The following PRKDC variants were observed in gnomAD, a reference collection of about 807,000 sequenced individuals.
PRKDC encodes protein kinase, DNA-activated, catalytic subunit, also known as DNA-dependent protein kinase catalytic subunit.
A neutral mutation model predicts 486.9 loss-of-function variants in PRKDC; 82 were observed. The observed-to-expected ratio is 0.17, with a 90% CI of 0.14 to 0.20. The LOEUF is 0.20. PRKDC is among the 10% of genes least tolerant of loss of function. The probability of loss-of-function intolerance (pLI) is 1.00; values close to 1 mark genes in which losing one functional copy is unlikely to be tolerated. For synonymous variants in PRKDC, 1,895 were observed against 1,837.0 expected (o/e 1.03, Z -0.81); for missense variants, 4,504 against 5,038.2 (o/e 0.89, Z 3.21).
At chr8:47,842,326 C>T (rs1281940810) in intron 54 of PRKDC, among the ~76,000 whole-genome samples, 1 of 152,272 alleles carries the variant, frequency 6.6e-6, no homozygotes, top group East Asian at 1.9e-4. Context: ...TATCTGCTAG[C>T]CCTTATCCTT....
chr8:47,880,909 T>G (rs2089199559), intron 38 of PRKDC, among the ~76,000 whole-genome samples: 1 of 151,666 alleles, frequency 6.6e-6, no homozygotes, highest in Admixed American at 6.6e-5. Context: ...TAGCCAGGCC[T>G]GGTGGCGCAC....
chr8:47,860,382 T>C (rs1336144823), intron 45 of PRKDC, among the ~76,000 whole-genome samples: 1 of 152,150 alleles, frequency 6.6e-6, no homozygotes, highest in Non-Finnish European at 1.5e-5. Context: ...AAAGCAGGCC[T>C]GGCGCCTACA....
intron 39 of PRKDC, among the ~76,000 whole-genome samples, chr8:47,878,436 C>T (rs1164761061): frequency 6.6e-6 from 1 of 152,130 alleles, no homozygotes; most frequent in Non-Finnish European, 1.5e-5. Flanking sequence ...AGATGCTACT[C>T]TTCTCTGCAT....
Position 47,877,717 on chromosome 8 carries a change from G to A in PRKDC, c.5363+7C>T. 1 of 1,577,272 alleles carries A rather than the reference G, an allele frequency of 6.3e-7. No homozygotes were observed. Among genetic ancestry groups the A allele is most frequent in the Non-Finnish European group, 8.6e-7 (1 of 1,160,722 alleles). Reference sequence around the variant, plus strand: ...GGTTCCTGAGATCCCAGGCCAGAATGACTTACCTTCTGGCAATCCTCCTGA... The same window carrying A: ...GGTTCCTGAGATCCCAGGCCAGAATAACTTACCTTCTGGCAATCCTCCTGA... On this transcript the variant is annotated splice_region_variant and intron_variant, in intron 40 of 85. Coordinates refer to ENST00000314191, the MANE Select transcript of PRKDC (RefSeq NM_006904.7).
intron 54 of PRKDC, among the ~76,000 whole-genome samples, chr8:47,845,562 G>A (rs755501846): frequency 4.0e-5 from 6 of 151,208 alleles, no homozygotes; most frequent in Non-Finnish European, 8.8e-5. Flanking sequence ...TACATTCCTG[G>A]AAACATACAA....
chr8:47,774,409 GCATGTGT>G (rs1390813013), intron 85 of PRKDC, 32 bp from the exon 86 acceptor site: 1 of 1,593,414 alleles, frequency 6.3e-7, no homozygotes, highest in African/African-American at 1.3e-5. Flanking sequence ...AAAACACAAA[GCATGTGT>G]CATTGTCCTT....
intron 18 of PRKDC, 97 bp from the exon 19 acceptor site, chr8:47,929,275 A>T (rs1166737340): frequency 1.6e-5 from 13 of 818,706 alleles, no homozygotes; most frequent in Middle Eastern, 2.2e-4. Context: ...GGGTGAATCC[A>T]TTTCAAGTTA....
intron 22 of PRKDC, among the ~76,000 whole-genome samples, chr8:47,916,216 G>T (rs138048193): frequency 4.3e-4 from 66 of 152,272 alleles, no homozygotes; most frequent in Middle Eastern, 3.4e-3. Context: ...GGGAGGCCAA[G>T]GTGGGCAGAT....
Position 47,879,624 on chromosome 8 carries a change from C to A in PRKDC, c.5102G>T (p.Ser1701Ile). 1.3e-6 allele frequency: 2 copies of A among 1,588,240 alleles called. No homozygotes were observed. Among genetic ancestry groups the A allele is most frequent in the Non-Finnish European group, 1.7e-6 (2 of 1,168,998 alleles). The change falls in exon 39 of 86, where the codon AGC (serine) becomes ATC (isoleucine). Residue 1701 changes from serine to isoleucine, a missense_variant. Around this residue, in one of 6 missense-constraint regions of PRKDC, gnomAD observed 1,969 missense variants for 2,068.9 expected, o/e 0.95. Transcript: ENST00000314191. ...TTCCTCCAGACTGCCTCCAGTGAGG[C>A]TGGTGAAGAATGGAAGAAGAGTGAC... is the stretch of plus-strand genomic sequence containing the variant. ...QAVTLLPFFT[S>I]LTGGSLEELR...
chr8:47,836,708 T>A (rs1418333657), intron 57 of PRKDC, among the ~76,000 whole-genome samples, 181 bp from the exon 58 acceptor site: 1 of 152,232 alleles, frequency 6.6e-6, no homozygotes, highest in Non-Finnish European at 1.5e-5. Context: ...ATTTGCCAAC[T>A]AGAAAAACTA....
chr8:47,834,771 A>C (rs970162924), intron 58 of PRKDC, among the ~76,000 whole-genome samples: 2 of 148,550 alleles, frequency 1.3e-5, no homozygotes, highest in Non-Finnish European at 3.0e-5. Flanking sequence ...GCTCACTGCA[A>C]GCTCCGCCTC....
intron 21 of PRKDC, among the ~76,000 whole-genome samples, chr8:47,922,123 C>T (rs1175477524): frequency 1.3e-5 from 2 of 150,840 alleles, no homozygotes; most frequent in East Asian, 3.9e-4. Flanking sequence ...AGCCACAGCA[C>T]CCAGCCTGAT....
At chr8:47,798,766 A>T (rs532362477) in intron 72 of PRKDC, among the ~76,000 whole-genome samples, 9 of 151,914 alleles carry the variant, frequency 5.9e-5, no homozygotes, top group African/African-American at 2.2e-4. Flanking sequence ...GGACCACTTG[A>T]CTCCATTTAA....
chr8:47,925,751 C>A (rs2090146501), intron 21 of PRKDC, among the ~76,000 whole-genome samples: 1 of 152,144 alleles, frequency 6.6e-6, no homozygotes, highest in Non-Finnish European at 1.5e-5. Flanking sequence ...AAAAAAATGT[C>A]CCATGTAAAT....
intron 74 of PRKDC, 36 bp from the exon 75 acceptor site, chr8:47,789,274 A>T (rs991361048): frequency 8.0e-7 from 1 of 1,252,492 alleles, no homozygotes; most frequent in African/African-American, 1.5e-5. Flanking sequence ...AGGCAATCAA[A>T]TATCTTCCAA....
At chr8:47,797,559 T>C (rs531011320) in intron 73 of PRKDC, among the ~76,000 whole-genome samples, 1 of 152,352 alleles carries the variant, frequency 6.6e-6, no homozygotes, top group Non-Finnish European at 1.5e-5. Context: ...CTATTACATT[T>C]TCAACTCAAA....
At chr8:47,890,850 A>G (rs2089441585) in intron 31 of PRKDC, among the ~76,000 whole-genome samples, 1 of 152,214 alleles carries the variant, frequency 6.6e-6, no homozygotes, top group African/African-American at 2.4e-5. Flanking sequence ...AACCTAATGA[A>G]ATGACTGCAG....
Position 47,935,744 on chromosome 8 carries a change from T to C in PRKDC, c.1435A>G (p.Ile479Val), listed in dbSNP as rs369403833. 10 of 1,613,738 alleles carry C rather than the reference T, an allele frequency of 6.2e-6. No individual in the cohort carries two copies. In the East Asian group the frequency reaches 6.7e-5, roughly 11 times the overall value. The change falls in exon 13 of 86, where the codon ATT becomes GTT. Residue 479 changes from isoleucine (I) to valine (V), a missense_variant. Transcript: ENST00000314191. The stretch of plus-strand genomic sequence containing the variant: ...ATTGCAAACTTACCCACAGTACTAA[T>C]GCAATTCCTGAGAACTGGCCCTTTT... ...AAKGPVLRNC[I>V]STVVHQGLIR...
At chr8:47,791,985 C>T (rs1589698368) in intron 74 of PRKDC, among the ~76,000 whole-genome samples, 1 of 152,078 alleles carries the variant, frequency 6.6e-6, no homozygotes, top group South Asian at 2.1e-4. Flanking sequence ...AAATGCAGTA[C>T]ATACATGCAA....
Sources: allele counts gnomAD v4.1 joint callset (sites outside exome capture counted in the v4.1 genomes callset), GRCh38; gene constraint gnomAD v4.1.1; regional missense constraint gnomAD v4.1.1; transcripts MANE v1.5; gene names NCBI Gene and HGNC (gene_info 2026-07-23, HGNC 2026-07-21).